LRRIQ1: variants seen among roughly 807,000 people sequenced by gnomAD.
LRRIQ1 encodes the protein leucine-rich repeat- and IQ domain-containing protein 1.
A neutral mutation model predicts 211.9 loss-of-function variants in LRRIQ1; 210 were observed. That is an observed-to-expected ratio of 0.99 (90% CI 0.89 to 1.11). The LOEUF (loss-of-function observed/expected upper bound fraction) is 1.11. Ranked by LOEUF, LRRIQ1 falls within the 50% of genes most tolerant of loss-of-function variation. LRRIQ1 has a pLI of 0.00. For synonymous variants in LRRIQ1, 699 were observed against 650.1 expected, an observed-to-expected ratio of 1.08 and a Z score of -1.14; for missense variants, 2,136 against 1,939.5, an observed-to-expected ratio of 1.10 and a Z score of -1.90.
rs761303056 is a variant in LRRIQ1 at position 85,046,041 on chromosome 12, G to C, written c.358G>C (p.Glu120Gln). The C allele has an allele frequency of 6.2e-7, 1 of 1,607,660 alleles. No individual in the cohort carries two copies. The highest frequency in any genetic ancestry group is 8.5e-7 in the Non-Finnish European group (1 of 1,175,348). The change falls in exon 5 of 27, where the codon GAA becomes CAA. Residue 120 changes from glutamate (E) to glutamine (Q), a missense_variant. Coordinates refer to ENST00000393217, the MANE Select transcript of LRRIQ1 (RefSeq NM_001079910.2). The part of the protein sequence containing the change: ...LIKILSEIEK[E>Q]EFMRSKTDCA... Reference sequence around the variant, plus strand: ...TTAGATATTATCTGAAATAGAAAAAGAAGAATTTATGAGAAGTAAAACCGA... The same window carrying C: ...TTAGATATTATCTGAAATAGAAAAACAAGAATTTATGAGAAGTAAAACCGA...
chr12:85,265,082 C>T (rs1239185347), downstream of LRRIQ1, among the ~76,000 whole-genome samples: 2 of 152,132 alleles, frequency 1.3e-5, no homozygotes, highest in Non-Finnish European at 1.5e-5. Context: ...AATCCACCAA[C>T]AATATATTTG....
rs1565834052 is a variant in LRRIQ1 at position 85,102,951 on chromosome 12, A to ATATATAT, written c.3210-1053_3210-1052insTATATAT. ...AGGCTTTTCTAATTGTGGCAAAAAA[A>ATATATAT]AAAAAAAAATATATATATATATATA... On this transcript the variant is annotated intron_variant, in intron 13 of 26. Transcript: ENST00000393217. 7.2e-4 allele frequency among the ~76,000 whole-genome samples: 84 copies of ATATATAT among 116,770 alleles called. 1 individual carries two copies. The highest frequency in any genetic ancestry group is 4.2e-3 in the East Asian group (14 of 3,340). 76.6% of individuals were successfully genotyped at this position (116,770 alleles called of 152,430 possible).
Position 85,174,540 on chromosome 12 carries a change from CA to C in LRRIQ1, c.4822+13839del, listed in dbSNP as rs112120416. Among the ~76,000 whole-genome samples the C allele has an allele frequency of 5.7e-3, 762 of 134,338 alleles. 12 individuals carry two copies. Among genetic ancestry groups the C allele is most frequent in the East Asian group, 0.052 (248 of 4,730 alleles). The allele number at this position is 134,338 out of a possible 152,430, so 88.1% of individuals were successfully genotyped here. The stretch of plus-strand genomic sequence containing the variant: ...CAAAACCCTGTCTCTACTAAAAATA[CA>C]AAAAAAAAAAAATAGCTGGGCATGC... On this transcript the variant is annotated intron_variant, in intron 24 of 26. Coordinates refer to ENST00000393217, the MANE Select transcript of LRRIQ1 (RefSeq NM_001079910.2).
At chr12:85,176,362 A>C (rs6539883) in intron 24 of LRRIQ1, among the ~76,000 whole-genome samples, 52,691 of 151,708 alleles carry the variant, frequency 0.35, 12,583 homozygotes, top group African/African-American at 0.68. Flanking sequence ...ATTTTGTATC[A>C]TGAGAGTTTG....
Position 85,124,199 on chromosome 12 carries a change from A to C in LRRIQ1, c.3687A>C (p.Glu1229Asp), listed in dbSNP as rs61740038. The change falls in exon 17 of 27, where the codon GAA (glutamate) becomes GAC (aspartate). Residue 1229 changes from glutamate (E) to aspartate (D), a missense_variant. Coordinates refer to ENST00000393217, the MANE Select transcript of LRRIQ1 (RefSeq NM_001079910.2). The part of the protein sequence containing the change: ...DVTITKKDES[E>D]AQKNHLAPTN... ...CTATCACCAAGAAAGATGAATCAGA[A>C]GCCCAGAAAAATCATTTGGCCCCTA... is the stretch of plus-strand genomic sequence containing the variant. 1 of 1,614,042 alleles carries C rather than the reference A, an allele frequency of 6.2e-7. No homozygotes were observed. The highest frequency in any genetic ancestry group is 8.5e-7 in the Non-Finnish European group (1 of 1,180,028).
intron 15 of LRRIQ1, among the ~76,000 whole-genome samples, chr12:85,117,019 C>T (rs115389371): frequency 2.6e-3 from 394 of 152,142 alleles, no homozygotes; most frequent in African/African-American, 9.0e-3. Context: ...TGAACATTTG[C>T]GTGCATGTGG....
At chr12:85,132,345 C>T (rs1215129843) in intron 18 of LRRIQ1, among the ~76,000 whole-genome samples, 1 of 151,960 alleles carries the variant, frequency 6.6e-6, no homozygotes, top group Non-Finnish European at 1.5e-5. Context: ...CCTTTCGGGA[C>T]AGGGTTGCAG....
At chr12:85,223,385 A>T (rs1006630901) in intron 24 of LRRIQ1, among the ~76,000 whole-genome samples, 32 of 152,174 alleles carry the variant, frequency 2.1e-4, no homozygotes, top group African/African-American at 7.5e-4. Context: ...GCAGAAAAAA[A>T]AGAGTTGTAA....
At chr12:85,182,727 G>T (rs890798738) in intron 24 of LRRIQ1, among the ~76,000 whole-genome samples, 2 of 152,070 alleles carry the variant, frequency 1.3e-5, no homozygotes, top group Admixed American at 6.6e-5. Flanking sequence ...TAGGTTACTT[G>T]TGTCCAGTAC....
intron 23 of LRRIQ1, among the ~76,000 whole-genome samples, chr12:85,159,182 A>G (rs1296125425): frequency 1.3e-5 from 2 of 152,010 alleles, no homozygotes. Context: ...TTTGACCTTG[A>G]TAATAGTATG....
intron 10 of LRRIQ1, 86 bp from the exon 11 acceptor site, chr12:85,072,821 T>C: frequency 2.3e-6 from 2 of 855,424 alleles, no homozygotes; most frequent in South Asian, 2.6e-5. Context: ...GCTCCAGGTT[T>C]AAATTTTTTT....
At chr12:85,144,365 C>T (rs1419114541) in intron 19 of LRRIQ1, among the ~76,000 whole-genome samples, 1 of 151,256 alleles carries the variant, frequency 6.6e-6, no homozygotes, top group Non-Finnish European at 1.5e-5. Context: ...ACAATAAATA[C>T]ATATATAAAT....
intron 26 of LRRIQ1, among the ~76,000 whole-genome samples, chr12:85,242,436 AT>A (rs916545608): frequency 1.1e-4 from 17 of 151,984 alleles, no homozygotes; most frequent in African/African-American, 4.1e-4. Flanking sequence ...ATTATTTAAA[AT>A]AGAAGGGAGA....
chr12:85,048,882 A>G (rs1361279735), intron 6 of LRRIQ1, among the ~76,000 whole-genome samples: 1 of 152,160 alleles, frequency 6.6e-6, no homozygotes, highest in Non-Finnish European at 1.5e-5. Context: ...CTATTCAGCA[A>G]AGTTGTCATT....
intron 6 of LRRIQ1, among the ~76,000 whole-genome samples, chr12:85,051,152 A>C (rs1880260005): frequency 6.6e-6 from 1 of 151,894 alleles, no homozygotes; most frequent in Admixed American, 6.6e-5. Context: ...CTGACTGTTA[A>C]AAGGAGCCTA....
chr12:85,066,778 A>T lies in LRRIQ1; in HGVS notation c.2575A>T (p.Asn859Tyr), dbSNP rs781111214. 1 of 1,596,146 alleles carries T rather than the reference A, an allele frequency of 6.3e-7. No individual in the cohort carries two copies. The highest frequency in any genetic ancestry group is 8.5e-7 in the Non-Finnish European group (1 of 1,172,890). Residue 859 changes from asparagine (N) to tyrosine (Y), a missense_variant, in exon 10 of 27, where the codon AAT becomes TAT. Transcript: ENST00000393217. ...ENHIEAIECE[N>Y]LENLCVVLLN... ...CCATATTGAGGCTATTGAGTGTGAA[A>T]ATTTGGAAAATCTCTGTGTTGTTCT...
intron 24 of LRRIQ1, among the ~76,000 whole-genome samples, chr12:85,226,458 T>C (rs1015345290): frequency 1.3e-5 from 2 of 151,994 alleles, no homozygotes; most frequent in African/African-American, 4.8e-5. Flanking sequence ...CAATGCAGTG[T>C]GTAGCAATGC....
Position 85,251,224 on chromosome 12 carries a change from A to G in LRRIQ1, c.121+6315A>G, listed in dbSNP as rs574909813. Among the ~76,000 whole-genome samples, 5 of 151,146 alleles carry G rather than the reference A, an allele frequency of 3.3e-5. No homozygotes were observed. The South Asian group carries it at 1.0e-3, about 31-fold the overall frequency. ...AGTGTATTTGAGAGAAATTGAGGAA[A>G]AGCATAAGGACTGAAATTGTCAAGA... On this transcript the variant is annotated intron_variant, in intron 1 of 1. Coordinates refer to the LRRIQ1 transcript ENST00000602731.
intron 1 of LRRIQ1, among the ~76,000 whole-genome samples, chr12:85,257,162 T>TA (rs369663473): frequency 4.7e-4 from 1 of 2,116 alleles, no homozygotes; most frequent in Non-Finnish European, 1.4e-3. Context: ...TTATATATAA[T>TA]TATATAATAA....
Sources: gnomAD v4.1 joint callset for allele counts (sites outside exome capture counted in the v4.1 genomes callset) on GRCh38, gnomAD v4.1.1 for gene constraint, MANE v1.5 for transcripts, NCBI Gene and HGNC (gene_info 2026-07-23, HGNC 2026-07-21) for gene names.